The following MTHFD2L variants were observed in gnomAD, a reference collection of about 807,000 sequenced individuals.
MTHFD2L encodes methylenetetrahydrofolate dehydrogenase (NADP+ dependent) 2 like.
Under a neutral mutation model 34.9 loss-of-function variants are expected in MTHFD2L, and 29 were observed. The ratio of observed to expected loss-of-function variants is 0.83; its 90% confidence interval spans 0.62 to 1.13. The LOEUF is 1.13. MTHFD2L is among the 50% of genes most tolerant of loss of function. MTHFD2L has a pLI of 0.00. For missense variants in MTHFD2L, 481 were observed against 446.5 expected (o/e 1.08, Z -0.70); for synonymous variants, 167 against 155.7 (o/e 1.07, Z -0.54).
chr4:74,178,214 C>A (rs185778723), intron 3 of MTHFD2L, among the ~76,000 whole-genome samples: 94 of 152,048 alleles, frequency 6.2e-4, no homozygotes, highest in African/African-American at 2.1e-3. Flanking sequence ...TATATACTTG[C>A]AAATTGCTGA....
At chr4:74,242,619 C>G (rs929142954) in intron 6 of MTHFD2L, among the ~76,000 whole-genome samples, 1 of 152,200 alleles carries the variant, frequency 6.6e-6, no homozygotes, top group Non-Finnish European at 1.5e-5. Flanking sequence ...CTGTCTTACT[C>G]TAAAGCTCCT....
chr4:74,282,545 C>G (rs955360381), intron 7 of MTHFD2L, among the ~76,000 whole-genome samples: 1 of 151,984 alleles, frequency 6.6e-6, no homozygotes, highest in Non-Finnish European at 1.5e-5. Flanking sequence ...ATAGAAAATG[C>G]AGATAGTTAG....
At chr4:74,279,632 A>G (rs1214565308) in intron 6 of MTHFD2L, among the ~76,000 whole-genome samples, 2 of 152,128 alleles carry the variant, frequency 1.3e-5, no homozygotes, top group South Asian at 2.1e-4. Flanking sequence ...TGCCATTAGC[A>G]TAGTAGCTGG....
intron 6 of MTHFD2L, among the ~76,000 whole-genome samples, chr4:74,270,641 G>T (rs1400389174): frequency 6.6e-6 from 1 of 152,182 alleles, no homozygotes; most frequent in Non-Finnish European, 1.5e-5. Context: ...ACATCTGCAT[G>T]TGTCTTTATA....
intron 6 of MTHFD2L, among the ~76,000 whole-genome samples, chr4:74,232,394 AT>A (rs1042821197): frequency 1.8e-4 from 27 of 151,914 alleles, no homozygotes; most frequent in African/African-American, 6.3e-4. Flanking sequence ...GATGAAAGGG[AT>A]TTTTTTCTCT....
Position 74,199,820 on chromosome 4 carries a change from A to ATC in MTHFD2L, c.478_479insTC (p.Asn160IlefsTer10), listed in dbSNP as rs1734104241. 1 of 1,613,152 alleles carries ATC rather than the reference A, an allele frequency of 6.2e-7. No individual in the cohort carries two copies. On this transcript the variant is annotated frameshift_variant, in exon 4 of 8. Coordinates refer to ENST00000325278, the MANE Select transcript of MTHFD2L (RefSeq NM_001144978.3). LOFTEE classifies it high-confidence loss of function. ...CCACGTTGATGAGCGAACAATATGC[A>ATC]ATGGAATTGCCCCAGAAAAAGATGT...
Position 74,259,431 on chromosome 4 carries a change from A to G in MTHFD2L, c.806-21994A>G, listed in dbSNP as rs1196546601. ...GGATACCACCATTCATCCTCACTCC[A>G]CTCCTCCCCACCACCAGCATGAACT... On this transcript the variant is annotated intron_variant, in intron 6 of 7. Transcript: ENST00000325278. Among the ~76,000 whole-genome samples, 3 of 151,018 alleles carry G rather than the reference A, an allele frequency of 2.0e-5. No individual in the cohort carries two copies. In the East Asian group the frequency reaches 5.9e-4, roughly 29 times the overall value.
intron 7 of MTHFD2L, among the ~76,000 whole-genome samples, chr4:74,294,855 A>C (rs1749437142): frequency 6.6e-6 from 1 of 152,122 alleles, no homozygotes; most frequent in South Asian, 2.1e-4. Context: ...GTCATCAGCC[A>C]CATAGGGGAG....
intron 1 of MTHFD2L, among the ~76,000 whole-genome samples, chr4:74,125,913 A>G (rs1722035302): frequency 6.6e-6 from 1 of 152,196 alleles, no homozygotes; most frequent in South Asian, 2.1e-4. Flanking sequence ...TATGTTAACA[A>G]AACTCGAAGT....
intron 1 of MTHFD2L, among the ~76,000 whole-genome samples, chr4:74,135,140 A>G (rs1181584149): frequency 4.6e-5 from 7 of 152,068 alleles, no homozygotes; most frequent in Admixed American, 4.6e-4. Context: ...TTAGTCAAAT[A>G]AGACTAATGA....
At chr4:74,214,172 A>G (rs960763418) in intron 5 of MTHFD2L, among the ~76,000 whole-genome samples, 2 of 151,648 alleles carry the variant, frequency 1.3e-5, no homozygotes, top group African/African-American at 4.9e-5. Context: ...TTATCTCAGA[A>G]GAGTTTGTTA....
rs1054205687 is a variant in MTHFD2L at position 74,126,547 on chromosome 4, A to G, written c.-297+1030A>G. Among the ~76,000 whole-genome samples, 6 of 151,876 alleles carry G rather than the reference A, an allele frequency of 4.0e-5. No homozygotes were observed. The East Asian group carries it at 1.2e-3, about 29-fold the overall frequency. The stretch of plus-strand genomic sequence containing the variant: ...TATCTAGTTTTGTTTCTAATGTCAC[A>G]CTTTTTCTCTGGTGTGTGTGTGTGT... On this transcript the variant is annotated intron_variant, in intron 1 of 7. Transcript: ENST00000433372.
At chr4:74,243,762 C>G (rs184997092) in intron 6 of MTHFD2L, among the ~76,000 whole-genome samples, 17 of 152,262 alleles carry the variant, frequency 1.1e-4, no homozygotes, top group African/African-American at 3.4e-4. Context: ...GGCAAGGTAA[C>G]AGAGCCACGC....
chr4:74,275,195 T>C (rs1746458414), intron 6 of MTHFD2L, among the ~76,000 whole-genome samples: 1 of 152,098 alleles, frequency 6.6e-6, no homozygotes. Context: ...GAACATGCGG[T>C]GTTTGGTTTT....
At chr4:74,231,692 T>G (rs1393813032) in intron 6 of MTHFD2L, among the ~76,000 whole-genome samples, 1 of 152,148 alleles carries the variant, frequency 6.6e-6, no homozygotes, top group Non-Finnish European at 1.5e-5. Context: ...ACTTGCTGAT[T>G]GTGAGCTTGG....
At chr4:74,131,370 C>T (rs1454411939) in intron 1 of MTHFD2L, among the ~76,000 whole-genome samples, 1 of 152,160 alleles carries the variant, frequency 6.6e-6, no homozygotes, top group Non-Finnish European at 1.5e-5. Flanking sequence ...CAGCATGGTA[C>T]TGGTAACAAA....
At chr4:74,210,498 T>C (rs1736118781) in intron 5 of MTHFD2L, among the ~76,000 whole-genome samples, 1 of 152,100 alleles carries the variant, frequency 6.6e-6, no homozygotes. Flanking sequence ...GATCAGATGG[T>C]TGTAGATGTG....
At chr4:74,197,546 C>G (rs1733697484) in intron 3 of MTHFD2L, among the ~76,000 whole-genome samples, 2 of 151,868 alleles carry the variant, frequency 1.3e-5, no homozygotes, top group Non-Finnish European at 2.9e-5. Context: ...GGGAGGGAGG[C>G]CTCTGTGATT....
At chr4:74,172,167 G>T (rs1350804749) in intron 1 of MTHFD2L, among the ~76,000 whole-genome samples, 1 of 152,182 alleles carries the variant, frequency 6.6e-6, no homozygotes, top group Non-Finnish European at 1.5e-5. Flanking sequence ...ATGGTGAATT[G>T]AGGAGTGGAA....
Sources: gnomAD v4.1 joint callset for allele counts (sites outside exome capture counted in the v4.1 genomes callset) on GRCh38, gnomAD v4.1.1 for gene constraint, MANE v1.5 for transcripts, NCBI Gene and HGNC (gene_info 2026-07-23, HGNC 2026-07-21) for gene names.